Variants in CNTNAP2 observed in about 807,000 individuals in gnomAD.
CNTNAP2 encodes contactin associated protein 2, also known as contactin-associated protein-like 2.
In CNTNAP2, 98 loss-of-function variants were observed where a neutral mutation model predicts 155.2. The ratio of observed to expected loss-of-function variants is 0.63; its 90% confidence interval spans 0.54 to 0.75. The LOEUF (loss-of-function observed/expected upper bound fraction) is 0.75. CNTNAP2 is among the 30% of genes least tolerant of loss of function. The pLI, the probability that CNTNAP2 is intolerant of heterozygous loss-of-function variation, is 0.00. For synonymous variants in CNTNAP2, 651 were observed against 631.2 expected (o/e 1.03, Z -0.47); for missense variants, 1,727 against 1,688.1 (o/e 1.02, Z -0.40).
intron 12 of CNTNAP2, among the ~76,000 whole-genome samples, chr7:147,566,708 AC>A (rs1289571871): frequency 1.3e-5 from 2 of 152,168 alleles, no homozygotes; most frequent in Non-Finnish European, 2.9e-5. Context: ...ATCACCTCTC[AC>A]CAGGTCCTTC....
At chr7:146,399,310 A>T (rs190843815) in intron 1 of CNTNAP2, among the ~76,000 whole-genome samples, 47 of 152,258 alleles carry the variant, frequency 3.1e-4, no homozygotes, top group African/African-American at 1.1e-3. Context: ...CTGTTGAGTA[A>T]CATCTCCCCC....
chr7:146,206,504 A>G (rs911568272), intron 1 of CNTNAP2, among the ~76,000 whole-genome samples: 4 of 151,866 alleles, frequency 2.6e-5, no homozygotes, highest in Non-Finnish European at 5.9e-5. Context: ...AGTAGTCTAG[A>G]CCCAAAAGGG....
intron 1 of CNTNAP2, among the ~76,000 whole-genome samples, chr7:146,173,056 T>A (rs1798417649): frequency 1.3e-5 from 2 of 152,154 alleles, no homozygotes; most frequent in African/African-American, 4.8e-5. Context: ...ATTGATATAA[T>A]CCTATCTGCT....
At chr7:147,329,137 C>A (rs967994316) in intron 9 of CNTNAP2, among the ~76,000 whole-genome samples, 8 of 151,446 alleles carry the variant, frequency 5.3e-5, no homozygotes, top group Admixed American at 3.9e-4. Context: ...AGGGATTGAG[C>A]ACCCCCCCAC....
chr7:147,969,536 T>C (rs1801293844), intron 14 of CNTNAP2, among the ~76,000 whole-genome samples: 1 of 152,130 alleles, frequency 6.6e-6, no homozygotes, highest in Admixed American at 6.6e-5. Context: ...TGTATGACAG[T>C]CTCATTAAGG....
chr7:146,126,045 A>G (rs1335939976), intron 1 of CNTNAP2, among the ~76,000 whole-genome samples: 2 of 152,156 alleles, frequency 1.3e-5, no homozygotes, highest in Non-Finnish European at 2.9e-5. Context: ...TAGGTCATTT[A>G]TTTCTTATAA....
chr7:146,759,681 C>CAAAAAAA lies in CNTNAP2; in HGVS notation c.98-14566_98-14560dup, dbSNP rs376817827. Among the ~76,000 whole-genome samples, 32 of 54,640 alleles carry CAAAAAAA rather than the reference C, an allele frequency of 5.9e-4. 1 individual carries two copies. The highest frequency in any genetic ancestry group is 1.3e-3 in the African/African-American group (31 of 24,152). The allele number at this position is 54,640 out of a possible 152,430, so 35.8% of individuals were successfully genotyped here. ...CATCCTGGCAACACAGTGAGACTGT[C>CAAAAAAA]AAAAAAAAAAAAAAAAAAAAAAAAA... On this transcript the variant is annotated intron_variant, in intron 1 of 23. Coordinates refer to ENST00000361727, the MANE Select transcript of CNTNAP2 (RefSeq NM_014141.6).
chr7:146,300,896 G>A (rs1278871760), intron 1 of CNTNAP2, among the ~76,000 whole-genome samples: 1 of 151,986 alleles, frequency 6.6e-6, no homozygotes, highest in Admixed American at 6.6e-5. Context: ...AAATATTATA[G>A]GTATTAAAAT....
At chr7:146,531,061 A>T (rs2129139174) in intron 1 of CNTNAP2, among the ~76,000 whole-genome samples, 1 of 152,344 alleles carries the variant, frequency 6.6e-6, no homozygotes, top group East Asian at 1.9e-4. Flanking sequence ...AAAAGGAATG[A>T]TCATGTCCTT....
chr7:146,796,571 T>C (rs981928929), intron 2 of CNTNAP2, among the ~76,000 whole-genome samples: 2 of 152,122 alleles, frequency 1.3e-5, no homozygotes, highest in Admixed American at 1.3e-4. Flanking sequence ...AAGATCTAGC[T>C]TCTGAAACGC....
intron 4 of CNTNAP2, among the ~76,000 whole-genome samples, chr7:147,078,780 C>T (rs1445628442): frequency 6.7e-6 from 1 of 150,190 alleles, no homozygotes; most frequent in Non-Finnish European, 1.5e-5. Flanking sequence ...GATAGAGTCT[C>T]ACTGTGTCCC....
intron 1 of CNTNAP2, among the ~76,000 whole-genome samples, chr7:146,529,089 A>G (rs906129957): frequency 7.2e-5 from 11 of 152,170 alleles, no homozygotes; most frequent in African/African-American, 2.7e-4. Context: ...CTAAATAAAT[A>G]CATATGAAAG....
chr7:146,742,663 T>G (rs1801739710), intron 1 of CNTNAP2, among the ~76,000 whole-genome samples: 1 of 151,986 alleles, frequency 6.6e-6, no homozygotes, highest in South Asian at 2.1e-4. Context: ...TGAAGAAGAT[T>G]TAAGTAGGTA....
chr7:147,543,719 C>T (rs1045990859), intron 11 of CNTNAP2, among the ~76,000 whole-genome samples: 2 of 152,274 alleles, frequency 1.3e-5, no homozygotes, highest in African/African-American at 2.4e-5. Flanking sequence ...TTATATGAAG[C>T]TTAACCCTCA....
intron 23 of CNTNAP2, chr7:148,414,971 C>T (rs1441551604): frequency 3.7e-6 from 1 of 270,658 alleles, no homozygotes; most frequent in Non-Finnish European, 7.2e-6. Context: ...CTATACATAG[C>T]TCTCTCGCGC....
Position 146,625,091 on chromosome 7 carries a change from C to A in CNTNAP2, c.98-149180C>A, listed in dbSNP as rs114309502. Among the ~76,000 whole-genome samples, 989 of 151,956 alleles carry A rather than the reference C, an allele frequency of 6.5e-3. 8 individuals are homozygous for A. Among genetic ancestry groups the A allele is most frequent in the African/African-American group, 0.023 (944 of 41,474 alleles). On this transcript the variant is annotated intron_variant, in intron 1 of 23. Coordinates refer to ENST00000361727, the MANE Select transcript of CNTNAP2 (RefSeq NM_014141.6). ...CATTCATACAAGAAATTTACTGGAA[C>A]ACATTTTGATATATATTAATTATAA...
chr7:147,777,592 G>GT (rs1186215474), intron 13 of CNTNAP2, among the ~76,000 whole-genome samples: 1 of 152,150 alleles, frequency 6.6e-6, no homozygotes, highest in Admixed American at 6.5e-5. Context: ...CAATTCCATT[G>GT]TTTTTTCAAG....
intron 18 of CNTNAP2, among the ~76,000 whole-genome samples, chr7:148,175,883 C>G (rs1794925531): frequency 6.6e-6 from 1 of 152,248 alleles, no homozygotes; most frequent in South Asian, 2.1e-4. Context: ...TTCTCTTCCT[C>G]CTTCCTTCTC....
intron 13 of CNTNAP2, among the ~76,000 whole-genome samples, chr7:147,754,338 T>C (rs1350820733): frequency 6.6e-6 from 1 of 152,246 alleles, no homozygotes; most frequent in Non-Finnish European, 1.5e-5. Flanking sequence ...TAAGCTTGTA[T>C]TCTGTCCTTT....
Sources: gnomAD v4.1 joint callset for allele counts (sites outside exome capture counted in the v4.1 genomes callset) on GRCh38, gnomAD v4.1.1 for gene constraint, MANE v1.5 for transcripts, NCBI Gene and HGNC (gene_info 2026-07-23, HGNC 2026-07-21) for gene names.